The following SLC9A7 variants were observed in gnomAD, a reference collection of about 807,000 sequenced individuals.
SLC9A7 encodes the protein sodium/hydrogen exchanger 7.
In SLC9A7, 19 loss-of-function variants were observed where a neutral mutation model predicts 52.6. The observed-to-expected ratio is 0.36, with a 90% CI of 0.25 to 0.53. The LOEUF is 0.53. Among genes scored for constraint, SLC9A7 ranks in the 20% least tolerant of loss-of-function variants. The probability of loss-of-function intolerance (pLI) is 0.91; values close to 1 mark genes in which losing one functional copy is unlikely to be tolerated. For synonymous variants in SLC9A7, 226 were observed against 252.1 expected (o/e 0.90, Z 0.98); for missense variants, 455 against 597.9 (o/e 0.76, Z 2.49).
chrX:46,628,011 C>T (rs1225239859), intron 14 of SLC9A7, among the ~76,000 whole-genome samples: 2 of 112,747 alleles, frequency 1.8e-5, no homozygotes, highest in Non-Finnish European at 3.7e-5. Flanking sequence ...ACTACATACA[C>T]ACAGACAGAC....
intron 1 of SLC9A7, among the ~76,000 whole-genome samples, chrX:46,708,597 A>G (rs1320865622): frequency 8.9e-6 from 1 of 111,854 alleles, no homozygotes; most frequent in Non-Finnish European, 1.9e-5. Context: ...TTTGGAGAAT[A>G]TGTCAGGCAC....
intron 2 of SLC9A7, among the ~76,000 whole-genome samples, chrX:46,680,066 C>T (rs1207792482): frequency 9.0e-6 from 1 of 111,668 alleles, no homozygotes; most frequent in African/African-American, 3.3e-5. Context: ...ATAAAAACAT[C>T]TTGGCCAGGC....
intron 1 of SLC9A7, among the ~76,000 whole-genome samples, chrX:46,745,343 G>A (rs1921661764): frequency 9.0e-6 from 1 of 111,658 alleles, no homozygotes; most frequent in South Asian, 3.7e-4. Context: ...TGCCTAACTT[G>A]GAGCCCACTC....
chrX:46,687,600 CTTATGCAGCTGTGTTATTCGTT>C (rs1268416493), intron 1 of SLC9A7, among the ~76,000 whole-genome samples: 1 of 111,637 alleles, frequency 9.0e-6, no homozygotes, highest in Non-Finnish European at 1.9e-5. Context: ...TGTTCTGCTA[CTTATGCAGCTGTGTTATTCGTT>C]GATATATTAG....
intron 4 of SLC9A7, among the ~76,000 whole-genome samples, chrX:46,671,656 GA>G (rs1209567812): frequency 8.9e-6 from 1 of 111,913 alleles, no homozygotes; most frequent in African/African-American, 3.3e-5. Flanking sequence ...GGATTTGTCT[GA>G]TTTTTTTTCT....
At chrX:46,683,008 A>G (rs1944239104) in intron 1 of SLC9A7, among the ~76,000 whole-genome samples, 1 of 87,142 alleles carries the variant, frequency 1.1e-5, no homozygotes, top group Admixed American at 1.4e-4. Flanking sequence ...ACAAGGTTTC[A>G]CTATGTTGGC....
At position 46,601,806 on chromosome X, in the gene SLC9A7, G is replaced by A. The variant is rs1942663821; in HGVS notation, c.*5146C>T. ...TAGTTCTCAAAAAGTGTACTAAAAGGAATAGCAGCTTTCATCTTCTCTCTG... is the reference window on the plus strand; with the variant it reads ...TAGTTCTCAAAAAGTGTACTAAAAGAAATAGCAGCTTTCATCTTCTCTCTG... On this transcript the variant is annotated 3_prime_UTR_variant, in exon 17 of 17. Transcript: ENST00000616978. 1.8e-5 allele frequency: 2 copies of A among 112,171 alleles called. No individual in the cohort carries two copies. The highest frequency in any genetic ancestry group is 7.3e-4 in the South Asian group (2 of 2,735). 9.2% of individuals were successfully genotyped at this position (112,171 alleles called of 1,213,427 possible).
intron 1 of SLC9A7, among the ~76,000 whole-genome samples, chrX:46,689,592 CTT>C (rs35933452): frequency 0.2 from 19,526 of 98,507 alleles, 1,523 homozygotes; most frequent in East Asian, 0.34. Flanking sequence ...GTAATTATGC[CTT>C]TTTTTTTTTT....
chrX:46,623,421 T>TC (rs928482831), intron 14 of SLC9A7, among the ~76,000 whole-genome samples: 1 of 111,749 alleles, frequency 8.9e-6, no homozygotes, highest in Non-Finnish European at 1.9e-5. Flanking sequence ...CCTGGAGCAT[T>TC]CTTTTTTCCT....
At chrX:46,669,528 T>C (rs1032067676) in intron 5 of SLC9A7, 79 bp downstream of exon 5, 8 of 523,910 alleles carry the variant, frequency 1.5e-5, no homozygotes, top group Non-Finnish European at 2.4e-5. Flanking sequence ...GCAACAAAAG[T>C]TAATGATTGC....
chrX:46,626,291 C>T (rs948284536), intron 14 of SLC9A7, among the ~76,000 whole-genome samples: 5 of 111,750 alleles, frequency 4.5e-5, no homozygotes, highest in African/African-American at 9.8e-5. Flanking sequence ...TTTTCTTTTT[C>T]GGACATGGAG....
rs1368779643 is a variant in SLC9A7, at chrX:46,606,698, G to A, written c.*254C>T. ...TAAAGCATGCTATTTTTTTTTGTTT[G>A]TTTAACTCTGAAACAGCGCACTACT... On this transcript the variant is annotated 3_prime_UTR_variant, in exon 17 of 17. Transcript: ENST00000616978. The A allele has an allele frequency of 9.6e-7, 1 of 1,038,579 alleles. No individual in the cohort carries two copies. Among genetic ancestry groups the A allele is most frequent in the Admixed American group, 4.2e-5 (1 of 23,994 alleles). 85.6% of individuals were successfully genotyped at this position (1,038,579 alleles called of 1,213,427 possible). A position where few individuals can be genotyped will look rare whatever the true frequency, so the allele number is the denominator to read the frequency against.
intron 1 of SLC9A7, among the ~76,000 whole-genome samples, chrX:46,687,753 C>T (rs779392790): frequency 4.6e-3 from 515 of 112,298 alleles, no homozygotes; most frequent in Non-Finnish European, 8.2e-3. Flanking sequence ...TTAGAGTATA[C>T]TATTCAATGA....
chrX:46,616,488 TGTCA>T (rs1410217617), intron 15 of SLC9A7, among the ~76,000 whole-genome samples: 1 of 112,142 alleles, frequency 8.9e-6, no homozygotes, highest in African/African-American at 3.2e-5. Flanking sequence ...ATTTAAATTT[TGTCA>T]GTCAGAAGAG....
At chrX:46,657,648 G>A (rs1263981548) in intron 7 of SLC9A7, among the ~76,000 whole-genome samples, 2 of 109,715 alleles carry the variant, frequency 1.8e-5, no homozygotes. Flanking sequence ...AATGGTAAAG[G>A]GATCAATTCA....
At chrX:46,696,042 G>C (rs776422885) in intron 1 of SLC9A7, among the ~76,000 whole-genome samples, 4 of 110,354 alleles carry the variant, frequency 3.6e-5, no homozygotes, top group African/African-American at 1.3e-4. Flanking sequence ...CTGGAGTACA[G>C]TGGCGCAATC....
chrX:46,611,949 T>C lies in SLC9A7; in HGVS notation c.1929+1340A>G, dbSNP rs751367697. Among the ~76,000 whole-genome samples, 34 of 111,987 alleles carry C rather than the reference T, an allele frequency of 3.0e-4. 1 individual carries two copies. The South Asian group carries it at 0.013, about 42-fold the overall frequency. On this transcript the variant is annotated intron_variant, in intron 16 of 16. Transcript: ENST00000616978. The stretch of plus-strand genomic sequence containing the variant: ...TGTGCACTGCCTTTCCTAACCCTGC[T>C]ACCCCTCGTTAGAACTTACCTGTTT...
intron 3 of SLC9A7, 124 bp downstream of exon 3, chrX:46,679,554 T>C (rs1009489602): frequency 2.0e-6 from 1 of 494,873 alleles, no homozygotes; most frequent in Non-Finnish European, 3.4e-6. Flanking sequence ...TCAACTATAG[T>C]CTCTGAGTGG....
intron 1 of SLC9A7, among the ~76,000 whole-genome samples, chrX:46,711,901 C>CACAT (rs758204958): frequency 0.42 from 36,164 of 85,476 alleles, 5,965 homozygotes; most frequent in Non-Finnish European, 0.58. Flanking sequence ...CTCTAAATTA[C>CACAT]ACACACACAC....
Sources: gnomAD v4.1 joint callset for allele counts (sites outside exome capture counted in the v4.1 genomes callset) on GRCh38, gnomAD v4.1.1 for gene constraint, MANE v1.5 for transcripts, NCBI Gene and HGNC (gene_info 2026-07-23, HGNC 2026-07-21) for gene names.